The following THSD7B variants were observed in gnomAD, a reference collection of about 807,000 sequenced individuals.
The protein encoded by THSD7B is thrombospondin type 1 domain containing 7B, also known as thrombospondin type-1 domain-containing protein 7B.
Under a neutral mutation model 213.6 loss-of-function variants are expected in THSD7B, and 138 were observed. The observed-to-expected ratio is 0.65, with a 90% CI of 0.56 to 0.74. THSD7B has a LOEUF of 0.74. Ranked by LOEUF, THSD7B falls within the 30% of genes least tolerant of loss-of-function variation. The pLI is 0.00. For missense variants in THSD7B, 1,931 were observed against 1,991.5 expected (o/e 0.97, Z 0.58); for synonymous variants, 742 against 687.0 (o/e 1.08, Z -1.25).
intron 10 of THSD7B, among the ~76,000 whole-genome samples, chr2:137,258,553 G>A (rs1270816751): frequency 1.3e-5 from 2 of 151,468 alleles, no homozygotes; most frequent in Non-Finnish European, 2.9e-5. Context: ...CCTTCTCATT[G>A]AAGATTTTGA....
At chr2:137,201,948 T>A (rs1412456722) in intron 7 of THSD7B, among the ~76,000 whole-genome samples, 1 of 152,158 alleles carries the variant, frequency 6.6e-6, no homozygotes, top group Non-Finnish European at 1.5e-5. Flanking sequence ...GCTTTGCCCA[T>A]TTTTTCTGAT....
chr2:137,064,342 T>A (rs1172816422), intron 3 of THSD7B, among the ~76,000 whole-genome samples: 3 of 152,108 alleles, frequency 2.0e-5, no homozygotes, highest in Non-Finnish European at 4.4e-5. Context: ...TTGCTCATTT[T>A]TAAATTGTAT....
intron 12 of THSD7B, among the ~76,000 whole-genome samples, chr2:137,345,933 C>A (rs531312751): frequency 6.6e-6 from 1 of 151,560 alleles, no homozygotes; most frequent in African/African-American, 2.4e-5. Context: ...AATATTTGCA[C>A]CCACTTTGAT....
intron 17 of THSD7B, among the ~76,000 whole-genome samples, chr2:137,583,463 TGGTTTTAGGTCTA>T: frequency 6.6e-6 from 1 of 152,230 alleles, no homozygotes; most frequent in Non-Finnish European, 1.5e-5. Context: ...AGGGTTTTTA[TGGTTTTAGGTCTA>T]ACATTTAAGT....
At chr2:137,639,798 G>A (rs772179973) in intron 20 of THSD7B, among the ~76,000 whole-genome samples, 1 of 152,128 alleles carries the variant, frequency 6.6e-6, no homozygotes, top group Non-Finnish European at 1.5e-5. Context: ...TGCCTGGGCC[G>A]CATAACCCCT....
chr2:136,769,276 T>C (rs936501286), intron 1 of THSD7B, among the ~76,000 whole-genome samples: 3 of 152,220 alleles, frequency 2.0e-5, no homozygotes, highest in African/African-American at 7.2e-5. Flanking sequence ...ATGCTTTCAT[T>C]CTAAGCCATG....
chr2:137,397,851 A>C (rs1463910849), intron 12 of THSD7B, among the ~76,000 whole-genome samples: 2 of 128,928 alleles, frequency 1.6e-5, no homozygotes, highest in African/African-American at 2.9e-5. Context: ...TATTTCTTGG[A>C]GGCTTTGCTC....
At chr2:137,108,177 A>G (rs1363071201) in intron 4 of THSD7B, among the ~76,000 whole-genome samples, 2 of 152,202 alleles carry the variant, frequency 1.3e-5, no homozygotes, top group Non-Finnish European at 2.9e-5. Flanking sequence ...TGTCATCATT[A>G]AATCACTTAA....
chr2:137,144,735 A>G (rs1679660762), intron 5 of THSD7B, among the ~76,000 whole-genome samples: 1 of 152,078 alleles, frequency 6.6e-6, no homozygotes, highest in Non-Finnish European at 1.5e-5. Flanking sequence ...GGAGAAAAAA[A>G]TATCCATTTC....
At chr2:137,071,632 T>C (rs540371707) in intron 3 of THSD7B, among the ~76,000 whole-genome samples, 264 of 152,262 alleles carry the variant, frequency 1.7e-3, no homozygotes, top group Middle Eastern at 6.8e-3. Context: ...AGTCCTTGCC[T>C]GTGCCTATGT....
At chr2:137,352,160 A>AAGGAGG (rs375942528) in intron 12 of THSD7B, among the ~76,000 whole-genome samples, 1 of 150,928 alleles carries the variant, frequency 6.6e-6, no homozygotes, top group Non-Finnish European at 1.5e-5. Context: ...GTGAGGGGAG[A>AAGGAGG]AGGAGGAGGA....
chr2:137,655,226 T>A (rs1343955961), intron 21 of THSD7B, among the ~76,000 whole-genome samples: 1 of 152,240 alleles, frequency 6.6e-6, no homozygotes, highest in East Asian at 1.9e-4. Context: ...TATTGTTTTC[T>A]TTTTTAGTCA....
chr2:137,626,154 G>A (rs1380501326), intron 20 of THSD7B, among the ~76,000 whole-genome samples: 1 of 152,130 alleles, frequency 6.6e-6, no homozygotes, highest in Non-Finnish European at 1.5e-5. Context: ...AGTGTTGGCT[G>A]TGAAGATCTT....
intron 15 of THSD7B, among the ~76,000 whole-genome samples, chr2:137,500,313 CA>C (rs751953614): frequency 1.3e-5 from 2 of 152,138 alleles, no homozygotes; most frequent in Non-Finnish European, 2.9e-5. Flanking sequence ...ACAGGAAAAA[CA>C]AATTAAAGCA....
intron 10 of THSD7B, 100 bp from the exon 11 acceptor site, chr2:137,272,433 C>A (rs1343302280): frequency 9.6e-6 from 12 of 1,256,180 alleles, no homozygotes; most frequent in Non-Finnish European, 1.2e-5. Flanking sequence ...TCCACATGTG[C>A]TTACTTTATC....
chr2:137,134,713 T>G (rs2104957702), intron 5 of THSD7B, among the ~76,000 whole-genome samples: 1 of 152,292 alleles, frequency 6.6e-6, no homozygotes, highest in South Asian at 2.1e-4. Context: ...CCCTCTTTAT[T>G]CTGGGCTGCA....
chr2:137,453,412 C>T (rs1475697236), intron 15 of THSD7B, among the ~76,000 whole-genome samples: 1 of 141,236 alleles, frequency 7.1e-6, no homozygotes, highest in Non-Finnish European at 1.5e-5. Context: ...TCACTGCAAG[C>T]TCTGCCTCCT....
At chr2:136,969,703 TAGA>T (rs1346860163) in intron 2 of THSD7B, among the ~76,000 whole-genome samples, 2 of 152,188 alleles carry the variant, frequency 1.3e-5, no homozygotes, top group African/African-American at 2.4e-5. Context: ...AGGCAGGAGA[TAGA>T]AGATTTTCTT....
chr2:137,050,738 TG>T (rs1200263460), intron 2 of THSD7B, among the ~76,000 whole-genome samples: 2 of 152,212 alleles, frequency 1.3e-5, no homozygotes, highest in African/African-American at 4.8e-5. Context: ...GTACCATGAA[TG>T]TTTTTTATTT....
Sources: gnomAD v4.1 joint callset for allele counts (sites outside exome capture counted in the v4.1 genomes callset) on GRCh38, gnomAD v4.1.1 for gene constraint, MANE v1.5 for transcripts, NCBI Gene and HGNC (gene_info 2026-07-23, HGNC 2026-07-21) for gene names.